The following FHIT variants were observed in gnomAD, a reference collection of about 807,000 sequenced individuals.
FHIT encodes the protein bis(5'-adenosyl)-triphosphatase.
In FHIT, 19 loss-of-function variants were observed where a neutral mutation model predicts 17.9. That is an observed-to-expected ratio of 1.06 (90% confidence interval 0.74 to 1.56). The LOEUF is 1.56. Ranked by LOEUF, FHIT falls within the 40% of genes most tolerant of loss-of-function variation. The pLI is 0.00. For missense variants in FHIT, 248 were observed against 189.2 expected (o/e 1.31, Z -1.82); for synonymous variants, 81 against 69.7 (o/e 1.16, Z -0.81).
At chr3:61,210,429 C>T (rs1043233916) in intron 1 of FHIT, among the ~76,000 whole-genome samples, 3 of 152,236 alleles carry the variant, frequency 2.0e-5, no homozygotes, top group African/African-American at 7.2e-5. Context: ...GCAGACAGGC[C>T]TCCTTGAGCT....
intron 3 of FHIT, among the ~76,000 whole-genome samples, chr3:61,019,251 A>G (rs1417541542): frequency 6.6e-6 from 1 of 152,244 alleles, no homozygotes; most frequent in African/African-American, 2.4e-5. Flanking sequence ...ATTAGAGATT[A>G]GTTCAAAGAG....
intron 4 of FHIT, among the ~76,000 whole-genome samples, chr3:60,625,187 G>A (rs2039250711): frequency 1.3e-5 from 2 of 152,170 alleles, no homozygotes; most frequent in Admixed American, 6.5e-5. Flanking sequence ...GGGATTACAG[G>A]CATGAACGAC....
chr3:60,343,162 C>T (rs1710610311), intron 5 of FHIT, among the ~76,000 whole-genome samples: 1 of 152,056 alleles, frequency 6.6e-6, no homozygotes, highest in African/African-American at 2.4e-5. Context: ...AATAAGTCAA[C>T]ATAAATTGCC....
At chr3:60,892,173 T>C (rs73838603) in intron 3 of FHIT, among the ~76,000 whole-genome samples, 155 of 152,336 alleles carry the variant, frequency 1.0e-3, no homozygotes, top group African/African-American at 3.7e-3. Flanking sequence ...TGAAATTTCA[T>C]CCTTCCAGGT....
chr3:61,180,145 C>A (rs187933262), intron 2 of FHIT, among the ~76,000 whole-genome samples: 1 of 152,138 alleles, frequency 6.6e-6, no homozygotes, highest in Non-Finnish European at 1.5e-5. Flanking sequence ...CTTTCCCTCA[C>A]GGCATCAATT....
At chr3:60,496,630 G>A (rs191917898) in intron 5 of FHIT, among the ~76,000 whole-genome samples, 66 of 152,258 alleles carry the variant, frequency 4.3e-4, no homozygotes, top group Non-Finnish European at 7.5e-4. Flanking sequence ...TGATTCCACT[G>A]CTAGGTAAAT....
chr3:59,788,117 A>G (rs1012660193), intron 8 of FHIT, among the ~76,000 whole-genome samples: 1 of 152,054 alleles, frequency 6.6e-6, no homozygotes, highest in Admixed American at 6.5e-5. Context: ...ATGTGTAAGG[A>G]CCCTTCCTGC....
chr3:60,360,507 G>A (rs964093983), intron 5 of FHIT, among the ~76,000 whole-genome samples: 1 of 152,088 alleles, frequency 6.6e-6, no homozygotes, highest in Non-Finnish European at 1.5e-5. Context: ...AGAGCCCTGG[G>A]TTTTAATTCT....
chr3:60,894,935 G>A (rs6768425), intron 3 of FHIT, among the ~76,000 whole-genome samples: 75,946 of 151,932 alleles, frequency 0.5, 19,422 homozygotes, highest in African/African-American at 0.55. Context: ...AGGAATTACA[G>A]TAGTCTCTCA....
At chr3:60,957,429 G>C (rs1444943005) in intron 3 of FHIT, among the ~76,000 whole-genome samples, 5 of 151,812 alleles carry the variant, frequency 3.3e-5, no homozygotes, top group Non-Finnish European at 5.9e-5. Context: ...AGTAGAGATG[G>C]GGTTTCACCG....
Position 60,423,177 on chromosome 3 carries a change from G to C in FHIT, c.103+113683C>G, listed in dbSNP as rs191855209. Among the ~76,000 whole-genome samples the C allele has an allele frequency of 8.3e-4, 127 of 152,208 alleles. 2 individuals are homozygous for C. Among genetic ancestry groups the C allele is most frequent in the Non-Finnish European group, 1.6e-4 (11 of 68,008 alleles). Reference sequence around the variant, plus strand: ...TAAGCACTATAGATGGTAGAGTAGAGAGACAGAATTCAGGTCCTTGAGTAG... The same window carrying C: ...TAAGCACTATAGATGGTAGAGTAGACAGACAGAATTCAGGTCCTTGAGTAG... On this transcript the variant is annotated intron_variant, in intron 5 of 9. Transcript: ENST00000492590.
chr3:60,456,071 C>A (rs930718254), intron 5 of FHIT, among the ~76,000 whole-genome samples: 3 of 152,150 alleles, frequency 2.0e-5, no homozygotes, highest in Non-Finnish European at 4.4e-5. Flanking sequence ...GCTAGAATAT[C>A]TGAAAGAGTT....
chr3:61,007,925 T>G (rs991788168), intron 3 of FHIT, among the ~76,000 whole-genome samples: 2 of 152,250 alleles, frequency 1.3e-5, no homozygotes, highest in African/African-American at 2.4e-5. Flanking sequence ...GGTACAAAAG[T>G]CTACACTCCT....
chr3:59,895,266 C>T (rs1167018562), intron 8 of FHIT, among the ~76,000 whole-genome samples: 26 of 152,216 alleles, frequency 1.7e-4, no homozygotes, highest in Admixed American at 1.7e-3. Context: ...ATGTTTTCCT[C>T]ACTATACTGG....
intron 4 of FHIT, among the ~76,000 whole-genome samples, chr3:60,758,697 A>G (rs534674269): frequency 6.6e-6 from 1 of 152,190 alleles, no homozygotes; most frequent in Non-Finnish European, 1.5e-5. Flanking sequence ...CATTTATTCA[A>G]TCAATGTTTA....
At chr3:60,962,684 TA>T (rs1328475277) in intron 3 of FHIT, among the ~76,000 whole-genome samples, 2 of 152,222 alleles carry the variant, frequency 1.3e-5, no homozygotes, top group Non-Finnish European at 2.9e-5. Flanking sequence ...TCTACTGAGA[TA>T]ATCATGTGGT....
intron 4 of FHIT, among the ~76,000 whole-genome samples, chr3:60,589,066 G>A (rs373293087): frequency 1.4e-4 from 21 of 151,964 alleles, no homozygotes; most frequent in African/African-American, 5.1e-4. Flanking sequence ...CTCACCCGTT[G>A]GAGTCACAGG....
At chr3:60,351,061 G>A (rs570963820) in intron 5 of FHIT, among the ~76,000 whole-genome samples, 1 of 151,536 alleles carries the variant, frequency 6.6e-6, no homozygotes, top group African/African-American at 2.4e-5. Context: ...AAGCTATATT[G>A]CAGCCTGGTA....
chr3:60,503,405 A>C (rs2107527871), intron 5 of FHIT, among the ~76,000 whole-genome samples: 1 of 152,254 alleles, frequency 6.6e-6, no homozygotes, highest in South Asian at 2.1e-4. Flanking sequence ...ATTTATGTGT[A>C]TGTACCTTAT....
Sources: gnomAD v4.1 joint callset for allele counts (sites outside exome capture counted in the v4.1 genomes callset) on GRCh38, gnomAD v4.1.1 for gene constraint, MANE v1.5 for transcripts, NCBI Gene and HGNC (gene_info 2026-07-23, HGNC 2026-07-21) for gene names.